The following UTRN variants were observed in gnomAD, a reference collection of about 807,000 sequenced individuals.
The protein encoded by UTRN is utrophin.
In UTRN, 283 loss-of-function variants were observed where a neutral mutation model predicts 463.9. The ratio of observed to expected loss-of-function variants is 0.61; its 90% CI spans 0.55 to 0.67. UTRN has a LOEUF of 0.67. UTRN is among the 30% of genes least tolerant of loss of function. UTRN has a pLI of 0.00. For missense variants in UTRN, 3,922 were observed against 4,084.3 expected (o/e 0.96, Z 1.08); for synonymous variants, 1,442 against 1,431.5 (o/e 1.01, Z -0.17).
At chr6:144,503,038 A>C (rs1158700802) in intron 34 of UTRN, among the ~76,000 whole-genome samples, 1 of 152,168 alleles carries the variant, frequency 6.6e-6, no homozygotes, top group African/African-American at 2.4e-5. Flanking sequence ...TTTTGGCCAC[A>C]TAAATGTCTT....
chr6:144,335,154 A>G (rs1776623766), intron 2 of UTRN, among the ~76,000 whole-genome samples: 2 of 152,244 alleles, frequency 1.3e-5, no homozygotes, highest in African/African-American at 4.8e-5. Context: ...CAGATTTACT[A>G]CTGGACATTC....
intron 53 of UTRN, 87 bp from the exon 54 acceptor site, chr6:144,730,270 G>A (rs1788375102): frequency 7.6e-7 from 1 of 1,314,776 alleles, no homozygotes; most frequent in Non-Finnish European, 9.8e-7. Flanking sequence ...CTTGCTAAGT[G>A]TGGTCAGAAG....
At position 144,412,036 on chromosome 6, in the gene UTRN, A is replaced by G. The variant is rs561758629; in HGVS notation, c.141+8852A>G. ...CTTTCAGTCTTCTCTGTGGAAAGCA[A>G]TGCTGTGTTTGTTCTTTTACCACAG... On this transcript the variant is annotated intron_variant, in intron 3 of 74. Transcript: ENST00000367545. 5.3e-5 allele frequency among the ~76,000 whole-genome samples: 8 copies of G among 152,312 alleles called. No homozygotes were observed. In the East Asian group the frequency reaches 1.3e-3, roughly 26 times the overall value.
intron 2 of UTRN, among the ~76,000 whole-genome samples, chr6:144,333,657 G>A (rs1374825197): frequency 6.6e-6 from 1 of 152,076 alleles, no homozygotes; most frequent in African/African-American, 2.4e-5. Context: ...CCCAAGGGGT[G>A]GCAGATCGGG....
At position 144,836,422 on chromosome 6, in the gene UTRN, G is replaced by A. The variant is rs778999591; in HGVS notation, c.9946G>A (p.Ala3316Thr). 2.3e-5 allele frequency: 35 copies of A among 1,525,322 alleles called. No homozygotes were observed. In the Admixed American group the frequency reaches 3.2e-4, roughly 14 times the overall value. The allele number at this position is 1,525,322 out of a possible 1,614,324, so 94.5% of individuals were successfully genotyped here. A position where few individuals can be genotyped will look rare whatever the true frequency, so the allele number is the denominator to read the frequency against. ...HHTSEDSELIAEAKLLRQHKG... is the reference protein window; with the variant it reads ...HHTSEDSELITEAKLLRQHKG... ...CACGTCTGAGGATTCAGAACTTATA[G>A]CAGAAGCAAAACTCCTCAGGCAGCA... Residue 3316 changes from alanine to threonine, a missense_variant, in exon 71 of 75, where the codon GCA becomes ACA. By Grantham distance (58) the Ala-to-Thr change is moderately conservative. Transcript: ENST00000367545.
At chr6:144,704,820 G>C (rs1437701486) in intron 53 of UTRN, among the ~76,000 whole-genome samples, 2 of 152,052 alleles carry the variant, frequency 1.3e-5, no homozygotes, top group Non-Finnish European at 2.9e-5. Context: ...AAATTAGCTG[G>C]GTGTGGTGAC....
At chr6:144,679,341 A>G (rs1781977056) in intron 52 of UTRN, among the ~76,000 whole-genome samples, 1 of 152,150 alleles carries the variant, frequency 6.6e-6, no homozygotes, top group African/African-American at 2.4e-5. Flanking sequence ...ATTATATATA[A>G]ATTTAGTGAA....
intron 58 of UTRN, among the ~76,000 whole-genome samples, chr6:144,768,953 G>GTTTTTTTTTT (rs1224806677): frequency 5.7e-5 from 6 of 105,074 alleles, no homozygotes; most frequent in East Asian, 3.5e-4. Flanking sequence ...TTTTTGTTTT[G>GTTTTTTTTTT]TTTTGTTTTT....
At chr6:144,476,085 A>AC (rs201860529) in intron 25 of UTRN, among the ~76,000 whole-genome samples, 1,561 of 150,450 alleles carry the variant, frequency 0.01, 26 homozygotes, top group African/African-American at 0.035. Context: ...TAAAAAAAAA[A>AC]CAAAAATTGT....
At chr6:144,788,054 A>T (rs1043960744) in intron 61 of UTRN, among the ~76,000 whole-genome samples, 2 of 152,156 alleles carry the variant, frequency 1.3e-5, no homozygotes, top group African/African-American at 4.8e-5. Context: ...ATTCTTTGAT[A>T]AGCAATGAAA....
At chr6:144,477,531 T>TAC (rs1321037145) in intron 25 of UTRN, among the ~76,000 whole-genome samples, 1 of 136,388 alleles carries the variant, frequency 7.3e-6, no homozygotes, top group Non-Finnish European at 1.6e-5. Context: ...CCTTTCTCTT[T>TAC]ATACACACAC....
chr6:144,563,596 G>A (rs1800124151), intron 50 of UTRN, among the ~76,000 whole-genome samples: 1 of 152,102 alleles, frequency 6.6e-6, no homozygotes, highest in African/African-American at 2.4e-5. Flanking sequence ...AGAGATTTGG[G>A]TCAGTCAACT....
chr6:144,507,850 G>A lies in UTRN; in HGVS notation c.4765-3094G>A, dbSNP rs116422966. The stretch of plus-strand genomic sequence containing the variant: ...GCAGGCAGGAACATTTAAGTCTGCT[G>A]AAGCTTTGCTCACAGCTGCCCTTTC... On this transcript the variant is annotated intron_variant, in intron 34 of 74. Coordinates refer to ENST00000367545, the MANE Select transcript of UTRN (RefSeq NM_007124.3). 3.8e-3 allele frequency among the ~76,000 whole-genome samples: 580 copies of A among 152,292 alleles called. 1 individual carries two copies. Among genetic ancestry groups the A allele is most frequent in the African/African-American group, 0.013 (550 of 41,564 alleles).
chr6:144,419,998 A>AC (rs1784694633), intron 3 of UTRN, among the ~76,000 whole-genome samples: 1 of 151,060 alleles, frequency 6.6e-6, no homozygotes, highest in Admixed American at 6.6e-5. Flanking sequence ...ACACACACAC[A>AC]ATAAAAACAG....
At chr6:144,322,316 G>T (rs1172026168) in intron 2 of UTRN, among the ~76,000 whole-genome samples, 1 of 150,000 alleles carries the variant, frequency 6.7e-6, no homozygotes, top group Non-Finnish European at 1.5e-5. Flanking sequence ...GATCTTGGTG[G>T]CTCCCTGCAG....
rs755100932 is a variant in UTRN, at chr6:144,488,691, T to G, written c.3991T>G (p.Ser1331Ala). 8.1e-6 allele frequency: 13 copies of G among 1,612,790 alleles called. No homozygotes were observed. The highest frequency in any genetic ancestry group is 1.0e-5 in the Non-Finnish European group (12 of 1,179,256). ...TGTGCAGGCAGAGAGCAAGCAGATT[T>G]CTTTGGAAAAGCAACTCCAGGTGCT... ...LSHLAESKQI[S>A]LEKQLQVLRE... Residue 1331 changes from serine to alanine, a missense_variant, in exon 30 of 75, where the codon TCT becomes GCT. By Grantham distance (99) the Ser-to-Ala change is moderately conservative. Coordinates refer to ENST00000367545, the MANE Select transcript of UTRN (RefSeq NM_007124.3).
intron 2 of UTRN, among the ~76,000 whole-genome samples, chr6:144,368,801 A>G (rs529883209): frequency 2.0e-5 from 3 of 152,226 alleles, no homozygotes; most frequent in East Asian, 1.9e-4. Flanking sequence ...TGAATAAATG[A>G]TAAGGTTTTT....
intron 19 of UTRN, among the ~76,000 whole-genome samples, 171 bp from the exon 20 acceptor site, chr6:144,458,599 T>C (rs1789104635): frequency 6.6e-6 from 1 of 152,226 alleles, no homozygotes; most frequent in East Asian, 1.9e-4. Flanking sequence ...TAAACATCAT[T>C]ATTTTTAAGT....
chr6:144,694,100 G>C (rs151108509), intron 52 of UTRN, among the ~76,000 whole-genome samples: 1,651 of 151,998 alleles, frequency 0.011, 19 homozygotes, highest in Middle Eastern at 0.02. Flanking sequence ...TTAACCTAAG[G>C]GGTGTTGAAT....
Sources: gnomAD v4.1 joint callset for allele counts (sites outside exome capture counted in the v4.1 genomes callset) on GRCh38, gnomAD v4.1.1 for gene constraint, MANE v1.5 for transcripts, NCBI Gene and HGNC (gene_info 2026-07-23, HGNC 2026-07-21) for gene names.